The following GON4L variants were observed in gnomAD, a reference collection of about 807,000 sequenced individuals.
GON4L encodes the protein gon-4 like, also known as GON-4-like protein.
GON4L carries 87 observed loss-of-function variants against 211.8 expected under a neutral mutation model. That is an observed-to-expected ratio of 0.41 (90% CI 0.35 to 0.49). The LOEUF is 0.49. Among genes scored for constraint, GON4L ranks in the 20% least tolerant of loss-of-function variants. The pLI is 0.15. For synonymous variants in GON4L, 875 were observed against 962.6 expected, an observed-to-expected ratio of 0.91 and a Z score of 1.68; for missense variants, 2,155 against 2,659.5, an observed-to-expected ratio of 0.81 and a Z score of 4.17.
intron 12 of GON4L, among the ~76,000 whole-genome samples, chr1:155,789,543 A>C (rs1665308716): frequency 6.6e-6 from 1 of 152,132 alleles, no homozygotes; most frequent in African/African-American, 2.4e-5. Context: ...CAGGAGGCTG[A>C]GGTGGGAAGA....
chr1:155,808,870 C>A (rs936510127), intron 10 of GON4L, among the ~76,000 whole-genome samples: 10 of 152,008 alleles, frequency 6.6e-5, no homozygotes, highest in Non-Finnish European at 1.3e-4. Context: ...CCTTGGCCTC[C>A]TAAAGTGTTG....
intron 11 of GON4L, among the ~76,000 whole-genome samples, chr1:155,799,525 T>C (rs1666425970): frequency 6.6e-6 from 1 of 152,154 alleles, no homozygotes; most frequent in African/African-American, 2.4e-5. Context: ...CAATCAACCT[T>C]TATCATGCAC....
intron 1 of GON4L, among the ~76,000 whole-genome samples, chr1:155,854,941 A>G (rs1485618995): frequency 6.6e-6 from 1 of 152,014 alleles, no homozygotes; most frequent in Non-Finnish European, 1.5e-5. Context: ...AGGCTGAGGC[A>G]GGACAATCAC....
At chr1:155,823,825 G>A (rs894770371) in intron 3 of GON4L, among the ~76,000 whole-genome samples, 2 of 150,840 alleles carry the variant, frequency 1.3e-5, no homozygotes, top group South Asian at 2.1e-4. Context: ...CCCAGGAGAC[G>A]GAGGTTGCAG....
Position 155,849,773 on chromosome 1 carries a change from CAAAAAAA to C in GON4L, c.505+3496_505+3502del, listed in dbSNP as rs11330008. Among the ~76,000 whole-genome samples, 305 of 77,318 alleles carry C rather than the reference CAAAAAAA, an allele frequency of 3.9e-3. 7 individuals are homozygous for C. In the East Asian group the frequency reaches 0.087, roughly 22 times the overall value. The allele number at this position is 77,318 out of a possible 152,430, so 50.7% of individuals were successfully genotyped here. On this transcript the variant is annotated intron_variant, in intron 2 of 31. Transcript: ENST00000368331. ...TGGGCAACAGAACGAGACTCCGTCT[CAAAAAAA>C]AAAAAAAAAAAAAAAGAAAGAAAAC...
intron 2 of GON4L, among the ~76,000 whole-genome samples, chr1:155,829,225 T>G (rs1471110985): frequency 6.6e-6 from 1 of 150,502 alleles, no homozygotes; most frequent in Non-Finnish European, 1.5e-5. Context: ...AATTTCCACT[T>G]ATGCTTCTCC....
chr1:155,759,999 T>A (rs1661618606), intron 24 of GON4L, among the ~76,000 whole-genome samples: 1 of 148,108 alleles, frequency 6.8e-6, no homozygotes, highest in African/African-American at 2.5e-5. Context: ...TATATATATA[T>A]GTTTTCTGGA....
At position 155,764,998 on chromosome 1, in the gene GON4L, A is replaced by C; in HGVS notation, c.4473+2T>G. ...TACTTGAGAATATTCTCCAGCTCTC[A>C]CCTGGAGTTCTGGGACAGAAAGCAC... On this transcript the variant is annotated splice_donor_variant, in intron 21 of 31. Coordinates refer to ENST00000368331, the MANE Select transcript of GON4L (RefSeq NM_001282860.2). LOFTEE classifies it high-confidence loss of function. 2 of 1,613,858 alleles carry C rather than the reference A, an allele frequency of 1.2e-6. No homozygotes were observed. The highest frequency in any genetic ancestry group is 1.7e-6 in the Non-Finnish European group (2 of 1,179,756).
Position 155,762,306 on chromosome 1 carries a change from C to A in GON4L, c.4795G>T (p.Ala1599Ser). Residue 1599 changes from alanine (A) to serine (S), a missense_variant, in exon 23 of 32, where the codon GCT becomes TCT. Ala to Ser is a moderately conservative substitution (Grantham distance 99). Transcript: ENST00000368331. ...HRARNKRGSR[A>S]RASKDTSKLL... ...TTGGAGGTGTCCTTGCTGGCCCGAG[C>A]CCGACTTCCCCGCTTGTTGCGAGCT... 1 of 1,613,714 alleles carries A rather than the reference C, an allele frequency of 6.2e-7. No individual in the cohort carries two copies. The highest frequency in any genetic ancestry group is 1.3e-5 in the African/African-American group (1 of 75,048).
intron 20 of GON4L, 45 bp from the exon 21 acceptor site, chr1:155,766,754 G>T: frequency 6.2e-7 from 1 of 1,611,198 alleles, no homozygotes; most frequent in South Asian, 1.1e-5. Flanking sequence ...GTCAGAATTT[G>T]GGAAAAAGAG....
intron 2 of GON4L, among the ~76,000 whole-genome samples, chr1:155,840,932 G>A (rs1167160127): frequency 6.6e-6 from 1 of 152,204 alleles, no homozygotes; most frequent in Non-Finnish European, 1.5e-5. Context: ...CTACTCGGGA[G>A]GCTGAGGCAG....
In GON4L at chr1:155,826,934, C is replaced by T; in HGVS notation, c.600G>A (p.Gln200=). 2 of 1,613,964 alleles carry T rather than the reference C, an allele frequency of 1.2e-6. No individual in the cohort carries two copies. The highest frequency in any genetic ancestry group is 1.7e-6 in the Non-Finnish European group (2 of 1,179,830). ...KPVSQPRKST[Q]PDVCASPQEK... is the part of the protein sequence containing the mutation. ...CTTGAGGAGAGGCACAAACATCTGG[C>T]TGGGTTGATTTCCTGGGCTGGCTTA... The change falls in exon 3 of 32, where the codon CAG becomes CAA. Residue 200 remains glutamine (Q), a synonymous_variant. Transcript: ENST00000368331.
chr1:155,834,096 T>C (rs1670073405), intron 2 of GON4L, among the ~76,000 whole-genome samples: 1 of 152,104 alleles, frequency 6.6e-6, no homozygotes, highest in African/African-American at 2.4e-5. Flanking sequence ...AGTGTTGGGA[T>C]TACAGGTGTG....
rs772316748 is a variant in GON4L at position 155,777,779 on chromosome 1, C to T, written c.1934G>A (p.Arg645Gln). The T allele has an allele frequency of 5.0e-6, 8 of 1,613,338 alleles. No homozygotes were observed. The highest frequency in any genetic ancestry group is 4.5e-5 in the East Asian group (2 of 44,888). The stretch of plus-strand genomic sequence containing the variant: ...CTGTTCAAATAGCTCCTTCACTGTC[C>T]GATGTTGTTCATTTAACAGGTTGGC... ...PLANLLNEQH[R>Q]TVKELFEQLK... is the part of the protein sequence containing the mutation. The change falls in exon 15 of 32, where the codon CGG (arginine) becomes CAG (glutamine). Residue 645 changes from arginine (R) to glutamine (Q), a missense_variant. Arg to Gln is a conservative substitution (Grantham distance 43, BLOSUM62 1). Coordinates refer to ENST00000368331, the MANE Select transcript of GON4L (RefSeq NM_001282860.2).
chr1:155,767,954 T>C (rs1662710238), intron 19 of GON4L, among the ~76,000 whole-genome samples: 1 of 151,910 alleles, frequency 6.6e-6, no homozygotes, highest in South Asian at 2.1e-4. Context: ...AAGCAAATGG[T>C]GGTGTGAAAG....
At position 155,784,210 on chromosome 1, in the gene GON4L, A is replaced by C; in HGVS notation, c.1789-121T>G. On this transcript the variant is annotated intron_variant, in intron 13 of 31. Coordinates refer to ENST00000368331, the MANE Select transcript of GON4L (RefSeq NM_001282860.2). ...ACTATAATAATGCTGGCACCCAGAA[A>C]GAGCCAATGTCAGAACTTTCTCACT... The C allele has an allele frequency of 3.0e-6, 4 of 1,350,374 alleles. No homozygotes were observed. The South Asian group carries it at 4.9e-5, about 17-fold the overall frequency. 83.6% of individuals were successfully genotyped at this position (1,350,374 alleles called of 1,614,324 possible). A position where few individuals can be genotyped will look rare whatever the true frequency, so the allele number is the denominator to read the frequency against.
At chr1:155,770,213 A>T (rs1663047684) in intron 19 of GON4L, among the ~76,000 whole-genome samples, 1 of 152,036 alleles carries the variant, frequency 6.6e-6, no homozygotes, top group Admixed American at 6.6e-5. Context: ...CCCTTTCTCA[A>T]GAAAAAAACA....
chr1:155,745,354 G>A (rs1660217173), downstream of GON4L, among the ~76,000 whole-genome samples: 1 of 152,248 alleles, frequency 6.6e-6, no homozygotes, highest in Non-Finnish European at 1.5e-5. Flanking sequence ...GTGGACTTCT[G>A]AAGAGTCGTG....
Position 155,760,568 on chromosome 1 carries a change from C to G in GON4L, c.4985G>C (p.Ser1662Thr). ...ATCTACAGCCGTCCGTCTCTGGGTA[C>G]TTGACTCAAATTCATAGATGACTTG... ...FLQVIYEFES[S>T]TQRRTAVDLY... Residue 1662 changes from serine to threonine, a missense_variant, in exon 24 of 32, where the codon AGT becomes ACT. Ser to Thr is a moderately conservative substitution (Grantham distance 58, BLOSUM62 1). Transcript: ENST00000368331. 6.2e-7 allele frequency: 1 copy of G among 1,613,302 alleles called. No individual in the cohort carries two copies. The highest frequency in any genetic ancestry group is 8.5e-7 in the Non-Finnish European group (1 of 1,179,270).
Sources: gnomAD v4.1 joint callset for allele counts (sites outside exome capture counted in the v4.1 genomes callset) on GRCh38, gnomAD v4.1.1 for gene constraint, MANE v1.5 for transcripts, NCBI Gene and HGNC (gene_info 2026-07-23, HGNC 2026-07-21) for gene names.